The following STK3 variants were observed in gnomAD, a reference collection of about 807,000 sequenced individuals.
STK3 encodes the protein serine/threonine-protein kinase 3.
In STK3, 41 loss-of-function variants were observed where a neutral mutation model predicts 58.0. That is an observed-to-expected ratio of 0.71 (90% CI 0.55 to 0.92). The LOEUF is 0.92. STK3 is among the 40% of genes least tolerant of loss of function. The pLI, the probability that STK3 is intolerant of heterozygous loss-of-function variation, is 0.00. For missense variants in STK3, 479 were observed against 602.7 expected (o/e 0.79, Z 2.15); for synonymous variants, 170 against 191.0 (o/e 0.89, Z 0.91).
chr8:98,829,510 G>A (rs1433971718), upstream of STK3, among the ~76,000 whole-genome samples: 2 of 152,108 alleles, frequency 1.3e-5, no homozygotes, highest in Non-Finnish European at 2.9e-5. Context: ...ATTATCATAC[G>A]ACTCCAATAG....
chr8:98,481,052 T>G (rs1821808982), intron 10 of STK3, among the ~76,000 whole-genome samples: 1 of 152,298 alleles, frequency 6.6e-6, no homozygotes, highest in East Asian at 1.9e-4. Context: ...CCTTCACATT[T>G]TGATATATTC....
At chr8:98,547,132 A>G (rs181903984) in intron 9 of STK3, among the ~76,000 whole-genome samples, 1 of 152,302 alleles carries the variant, frequency 6.6e-6, no homozygotes, top group African/African-American at 2.4e-5. Flanking sequence ...CTGTTCTGCC[A>G]TGGAGAGGCA....
At chr8:98,470,940 G>A (rs1015827922) in intron 10 of STK3, among the ~76,000 whole-genome samples, 3 of 152,180 alleles carry the variant, frequency 2.0e-5, no homozygotes, top group Admixed American at 2.0e-4. Context: ...AGTGGTAAAA[G>A]TGGAAGCAGT....
chr8:98,891,789 T>G lies in STK3; in HGVS notation c.-78-7955A>C, dbSNP rs1451919946. Among the ~76,000 whole-genome samples, 3 of 152,110 alleles carry G rather than the reference T, an allele frequency of 2.0e-5. No individual in the cohort carries two copies. In the East Asian group the frequency reaches 5.8e-4, roughly 29 times the overall value. ...AATGGGATCTAGAGGGAATAGAGATTGCATAAAAGTGAAACTTCATGATGT... is the reference window on the plus strand; with the variant it reads ...AATGGGATCTAGAGGGAATAGAGATGGCATAAAAGTGAAACTTCATGATGT... On this transcript the variant is annotated intron_variant, in intron 1 of 1. Coordinates refer to the STK3 transcript ENST00000519420.
intron 1 of STK3, among the ~76,000 whole-genome samples, chr8:98,448,625 C>T (rs146717837): frequency 3.9e-5 from 6 of 152,228 alleles, no homozygotes; most frequent in Middle Eastern, 3.4e-3. Flanking sequence ...TTACAGTTCA[C>T]CTTGGACATT....
chr8:98,795,602 A>G (rs1261535122), intron 1 of STK3, among the ~76,000 whole-genome samples: 2 of 152,154 alleles, frequency 1.3e-5, no homozygotes, highest in Admixed American at 6.5e-5. Flanking sequence ...AAGGCAAACA[A>G]TATCTCTTCA....
At chr8:98,543,510 T>C (rs1015132041) in intron 9 of STK3, among the ~76,000 whole-genome samples, 1 of 152,146 alleles carries the variant, frequency 6.6e-6, no homozygotes. Context: ...GGGGCAGAAC[T>C]GATGAGATGT....
intron 7 of STK3, among the ~76,000 whole-genome samples, chr8:98,580,801 A>G (rs1239552152): frequency 6.6e-6 from 1 of 152,226 alleles, no homozygotes; most frequent in Non-Finnish European, 1.5e-5. Context: ...ATAAACTTCA[A>G]GAGAACACAA....
At chr8:98,396,291 C>T (rs1194956747) in intron 3 of STK3, among the ~76,000 whole-genome samples, 2 of 152,212 alleles carry the variant, frequency 1.3e-5, no homozygotes, top group Admixed American at 6.5e-5. Context: ...CTATGTATAT[C>T]CAAAATAATA....
downstream of STK3, among the ~76,000 whole-genome samples, chr8:98,451,744 C>T (rs1182977441): frequency 6.6e-6 from 1 of 152,132 alleles, no homozygotes. Context: ...AACTGACTGA[C>T]TCCCTGGAAG....
At chr8:98,852,480 A>G (rs984569629) in intron 3 of STK3, among the ~76,000 whole-genome samples, 3 of 152,178 alleles carry the variant, frequency 2.0e-5, no homozygotes, top group Non-Finnish European at 4.4e-5. Context: ...TCAAGTAAAA[A>G]CACCCTGACC....
intron 1 of STK3, among the ~76,000 whole-genome samples, chr8:98,809,515 C>T (rs1170168010): frequency 2.0e-5 from 3 of 152,196 alleles, no homozygotes; most frequent in Non-Finnish European, 4.4e-5. Flanking sequence ...TTTCCACTTC[C>T]CCATAGTCCC....
the STK3 span, among the ~76,000 whole-genome samples, chr8:98,352,288 A>G: frequency 1.4e-4 from 21 of 152,334 alleles, no homozygotes; most frequent in East Asian, 3.1e-3. Flanking sequence ...GTTTAAATCC[A>G]CAATTCACAA....
At chr8:98,861,225 C>G (rs1836923880) in intron 3 of STK3, among the ~76,000 whole-genome samples, 1 of 151,782 alleles carries the variant, frequency 6.6e-6, no homozygotes, top group African/African-American at 2.4e-5. Flanking sequence ...AAAGGTCAAT[C>G]AAATCCATCT....
At chr8:98,347,396 T>C in the STK3 span, among the ~76,000 whole-genome samples, 1 of 151,444 alleles carries the variant, frequency 6.6e-6, no homozygotes, top group African/African-American at 2.4e-5. Flanking sequence ...GCGCCTGTAG[T>C]CCCAGCTACT....
intron 3 of STK3, among the ~76,000 whole-genome samples, chr8:98,414,278 A>C (rs1818090139): frequency 6.6e-6 from 1 of 152,136 alleles, no homozygotes; most frequent in Admixed American, 6.6e-5. Flanking sequence ...AAATAATAAT[A>C]AAAAAATAAA....
chr8:98,728,463 A>G (rs1827944491), intron 4 of STK3, among the ~76,000 whole-genome samples: 1 of 152,230 alleles, frequency 6.6e-6, no homozygotes, highest in African/African-American at 2.4e-5. Context: ...ACAACTAGTG[A>G]TTCAAAATGA....
intron 2 of STK3, among the ~76,000 whole-genome samples, chr8:98,774,489 T>C (rs1831529866): frequency 6.6e-6 from 1 of 152,182 alleles, no homozygotes; most frequent in Non-Finnish European, 1.5e-5. Context: ...ACAAAACTCT[T>C]AAACATCATT....
intron 10 of STK3, among the ~76,000 whole-genome samples, chr8:98,483,114 T>C (rs749300306): frequency 6.6e-6 from 1 of 152,176 alleles, no homozygotes; most frequent in African/African-American, 2.4e-5. Flanking sequence ...ATGTATTTCA[T>C]TGAGCTGGGG....
Sources: allele counts gnomAD v4.1 joint callset (sites outside exome capture counted in the v4.1 genomes callset), GRCh38; gene constraint gnomAD v4.1.1; transcripts MANE v1.5; gene names NCBI Gene and HGNC (gene_info 2026-07-23, HGNC 2026-07-21).